Variants in PHF8 observed in about 807,000 individuals in gnomAD.
PHF8 encodes the protein PHD finger protein 8.
In PHF8, 9 loss-of-function variants were observed where a neutral mutation model predicts 74.4. The observed-to-expected ratio is 0.12, with a 90% confidence interval of 0.07 to 0.21. The LOEUF is 0.21. PHF8 is among the 10% of genes least tolerant of loss of function. The pLI, the probability that PHF8 is intolerant of heterozygous loss-of-function variation, is 1.00. For missense variants in PHF8, 478 were observed against 816.6 expected, an observed-to-expected ratio of 0.59 and a Z score of 5.05; for synonymous variants, 311 against 316.6, an observed-to-expected ratio of 0.98 and a Z score of 0.19.
chrX:53,962,577 T>C (rs1245928700), intron 19 of PHF8, among the ~76,000 whole-genome samples: 1 of 111,430 alleles, frequency 9.0e-6, no homozygotes, highest in African/African-American at 3.3e-5. Context: ...AAGGTCTTCC[T>C]TTCACCTCAA....
chrX:54,018,707 G>A (rs1557108915), intron 4 of PHF8, among the ~76,000 whole-genome samples: 4 of 108,599 alleles, frequency 3.7e-5, no homozygotes, highest in Non-Finnish European at 7.6e-5. Flanking sequence ...CACAACCTCC[G>A]CCTCCAGGGT....
intron 2 of PHF8, among the ~76,000 whole-genome samples, chrX:54,038,018 A>G (rs1383224422): frequency 4.4e-5 from 5 of 112,581 alleles, no homozygotes; most frequent in African/African-American, 6.5e-5. Flanking sequence ...GTATCAACCA[A>G]TATTTCTTTT....
intron 8 of PHF8, among the ~76,000 whole-genome samples, chrX:54,005,653 C>T (rs1208766095): frequency 3.9e-5 from 4 of 101,502 alleles, no homozygotes; most frequent in African/African-American, 1.4e-4. Flanking sequence ...ATGAAAGCAT[C>T]AAGAAATGAT....
chrX:53,962,633 T>C (rs368188935), intron 19 of PHF8, among the ~76,000 whole-genome samples: 80 of 111,711 alleles, frequency 7.2e-4, no homozygotes, highest in African/African-American at 2.3e-3. Context: ...TCTGATTTTA[T>C]TGGACTAATT....
intron 18 of PHF8, among the ~76,000 whole-genome samples, chrX:53,983,639 C>T (rs1251372580): frequency 9.0e-6 from 1 of 111,593 alleles, no homozygotes; most frequent in African/African-American, 3.3e-5. Context: ...GTCTATCCCC[C>T]CTAGAAAAAT....
chrX:53,958,230 C>T (rs1603303579), intron 19 of PHF8, among the ~76,000 whole-genome samples: 1 of 107,111 alleles, frequency 9.3e-6, no homozygotes, highest in African/African-American at 3.4e-5. Context: ...TTAGTAGAGA[C>T]GGGGTTTCAT....
At position 54,008,108 on chromosome X, in the gene PHF8, C is replaced by G. The variant is rs1419949823; in HGVS notation, c.946+3014G>C. On this transcript the variant is annotated intron_variant, in intron 8 of 21. Coordinates refer to ENST00000338154, the MANE Select transcript of PHF8 (RefSeq NM_015107.3). ...GAAGTGGTCGGCGCAGTGGCTCACA[C>G]CTGTAATCCCAGCACTTTGGGAGGC... is the stretch of plus-strand genomic sequence containing the variant. Among the ~76,000 whole-genome samples, 12 of 112,017 alleles carry G rather than the reference C, an allele frequency of 1.1e-4. No homozygotes were observed. The South Asian group carries it at 3.3e-3, about 31-fold the overall frequency.
At chrX:54,017,437 G>T (rs1391837648) in intron 5 of PHF8, among the ~76,000 whole-genome samples, 4 of 112,188 alleles carry the variant, frequency 3.6e-5, no homozygotes, top group Non-Finnish European at 7.5e-5. Flanking sequence ...AACAGGGCGA[G>T]ACCCTGTCTC....
chrX:54,002,185 C>T lies in PHF8; in HGVS notation c.1111G>A (p.Val371Met). 1 of 1,200,767 alleles carries T rather than the reference C, an allele frequency of 8.3e-7. No individual in the cohort carries two copies. Among genetic ancestry groups the T allele is most frequent in the Non-Finnish European group, 1.1e-6 (1 of 885,787 alleles). ...AAGATGTCCAGGATGTGCTTTCCCA[C>T]ATACCAACAGATGGTCTCAAAGTTG... ...FPNFETICWY[V>M]GKHILDIFRG... The change falls in exon 10 of 22, where the codon GTG (valine) becomes ATG (methionine). Residue 371 changes from valine (V) to methionine (M), a missense_variant. Physicochemically the swap from Val to Met is conservative, Grantham distance 21 (BLOSUM62 1). Coordinates refer to ENST00000338154, the MANE Select transcript of PHF8 (RefSeq NM_015107.3).
chrX:53,998,019 T>A (rs1338492644), intron 11 of PHF8, among the ~76,000 whole-genome samples: 1 of 112,491 alleles, frequency 8.9e-6, no homozygotes, highest in Non-Finnish European at 1.9e-5. Flanking sequence ...AAGCCTAAGA[T>A]TACATGTTGA....
chrX:54,007,597 T>C (rs2065915620), intron 8 of PHF8, among the ~76,000 whole-genome samples: 1 of 112,050 alleles, frequency 8.9e-6, no homozygotes, highest in Non-Finnish European at 1.9e-5. Flanking sequence ...AAGATTTAAA[T>C]AGATATTTCT....
chrX:54,030,171 T>C (rs1173794440), intron 2 of PHF8, among the ~76,000 whole-genome samples: 2 of 111,694 alleles, frequency 1.8e-5, no homozygotes, highest in African/African-American at 6.5e-5. Flanking sequence ...ATTTGCCAGA[T>C]AGTGTATCTT....
chrX:54,040,781 G>A (rs782737210), intron 2 of PHF8, among the ~76,000 whole-genome samples: 1 of 111,937 alleles, frequency 8.9e-6, no homozygotes, highest in African/African-American at 3.2e-5. Flanking sequence ...TCCCAGAGAC[G>A]AACCACTGAA....
chrX:53,955,342 G>A (rs372741090), intron 19 of PHF8, among the ~76,000 whole-genome samples: 1 of 110,458 alleles, frequency 9.1e-6, no homozygotes, highest in Non-Finnish European at 1.9e-5. Flanking sequence ...CCTTTCCAAA[G>A]TGCTAGGATT....
At chrX:54,010,131 G>A (rs1490791710) in intron 8 of PHF8, among the ~76,000 whole-genome samples, 3 of 109,545 alleles carry the variant, frequency 2.7e-5, no homozygotes, top group Non-Finnish European at 3.8e-5. Flanking sequence ...ACCAGCCATG[G>A]CCAACATGGT....
At chrX:54,004,923 CAA>C (rs5902520) in intron 8 of PHF8, among the ~76,000 whole-genome samples, 17 of 91,965 alleles carry the variant, frequency 1.8e-4, no homozygotes, top group African/African-American at 5.3e-4. Flanking sequence ...AACTCTGTGT[CAA>C]AAAAAAAAAA....
intron 6 of PHF8, among the ~76,000 whole-genome samples, chrX:54,014,920 A>G (rs1557107618): frequency 1.8e-5 from 2 of 111,958 alleles, no homozygotes; most frequent in Non-Finnish European, 3.8e-5. Context: ...TTTATGAGAA[A>G]CCACTAGAGC....
intron 19 of PHF8, among the ~76,000 whole-genome samples, chrX:53,952,337 C>T (rs1286495241): frequency 9.3e-6 from 1 of 107,714 alleles, no homozygotes; most frequent in Non-Finnish European, 1.9e-5. Flanking sequence ...AATGAAAGGA[C>T]ACTAGACAAT....
In PHF8 at chrX:53,937,633, T is replaced by C; in HGVS notation, c.*1525A>G. On this transcript the variant is annotated 3_prime_UTR_variant, in exon 22 of 22. Coordinates refer to ENST00000338154, the MANE Select transcript of PHF8 (RefSeq NM_015107.3). ...CAAATGGGCTAAAGGAACCCCTGATTCCAAGGAAGGAAAGTAGAGGCAGGG... is the reference window on the plus strand; with the variant it reads ...CAAATGGGCTAAAGGAACCCCTGATCCCAAGGAAGGAAAGTAGAGGCAGGG... 1 of 183,692 alleles carries C rather than the reference T, an allele frequency of 5.4e-6. No homozygotes were observed. The highest frequency in any genetic ancestry group is 1.1e-4 in the East Asian group (1 of 9,274). 15.1% of individuals were successfully genotyped at this position (183,692 alleles called of 1,213,427 possible). A position where few individuals can be genotyped will look rare whatever the true frequency, so the allele number is the denominator to read the frequency against.
Sources: allele counts gnomAD v4.1 joint callset (sites outside exome capture counted in the v4.1 genomes callset), GRCh38; gene constraint gnomAD v4.1.1; transcripts MANE v1.5; gene names NCBI Gene and HGNC (gene_info 2026-07-23, HGNC 2026-07-21).